The following TRIM33 variants were observed in gnomAD, a reference collection of about 807,000 sequenced individuals.
TRIM33 encodes the protein E3 ubiquitin-protein ligase TRIM33.
In TRIM33, 20 loss-of-function variants were observed where a neutral mutation model predicts 125.4. That is an observed-to-expected ratio of 0.16 (90% confidence interval 0.11 to 0.23). TRIM33 has a LOEUF of 0.23. Among genes scored for constraint, TRIM33 ranks in the 10% least tolerant of loss-of-function variants. The probability of loss-of-function intolerance (pLI) is 1.00; values close to 1 mark genes in which losing one functional copy is unlikely to be tolerated. For missense variants in TRIM33, 920 were observed against 1,411.4 expected, an observed-to-expected ratio of 0.65 and a Z score of 5.58; for synonymous variants, 564 against 513.9, an observed-to-expected ratio of 1.10 and a Z score of -1.32.
chr1:114,431,119 T>C (rs1299020666), intron 5 of TRIM33, among the ~76,000 whole-genome samples: 7 of 152,254 alleles, frequency 4.6e-5, no homozygotes, highest in Admixed American at 4.6e-4. Flanking sequence ...TAATATTTAG[T>C]AATTTTAAAT....
chr1:114,498,064 T>C (rs1570672932), intron 1 of TRIM33, among the ~76,000 whole-genome samples: 2 of 145,808 alleles, frequency 1.4e-5, no homozygotes, highest in African/African-American at 2.6e-5. Flanking sequence ...AGAGCGGAGG[T>C]TGCAATGAGC....
Position 114,425,527 on chromosome 1 carries a change from T to C in TRIM33, c.1617A>G (p.Pro539=). 6.2e-7 allele frequency: 1 copy of C among 1,614,168 alleles called. No individual in the cohort carries two copies. The highest frequency in any genetic ancestry group is 8.5e-7 in the Non-Finnish European group (1 of 1,180,024). ...TTGTTGTAGTTGGTACAGGTGCTGG[T>C]GGTTGCTGCATCCTCATCTGTTGCA... The part of the protein sequence containing the change: ...QQLQQMRMQQ[P]PAPVPTTTTT... Residue 539 remains proline, a synonymous_variant, in exon 9 of 20, where the codon CCA becomes CCG. Transcript: ENST00000358465.
chr1:114,425,731 ATTT>A lies in TRIM33; in HGVS notation c.1421-11_1421-9del. 6.4e-7 allele frequency: 1 copy of A among 1,574,082 alleles called. No homozygotes were observed. The highest frequency in any genetic ancestry group is 1.9e-5 in the Admixed American group (1 of 53,398). ...TCTCTATTACTAGATTACCTGAAAAATTTAAAAAATGAGAATTTGCATATAATC... is the reference window on the plus strand; with the variant it reads ...TCTCTATTACTAGATTACCTGAAAAAAAAAAATGAGAATTTGCATATAATC... On this transcript the variant is annotated splice_polypyrimidine_tract_variant and intron_variant, in intron 8 of 19. Coordinates refer to ENST00000358465, the MANE Select transcript of TRIM33 (RefSeq NM_015906.4).
chr1:114,473,182 G>A (rs1252823326), intron 1 of TRIM33, among the ~76,000 whole-genome samples: 1 of 151,420 alleles, frequency 6.6e-6, no homozygotes, highest in Non-Finnish European at 1.5e-5. Context: ...GTGTGAACTC[G>A]GGAGGCGGAG....
chr1:114,406,969 G>T lies in TRIM33; in HGVS notation c.2390C>A (p.Thr797Lys). ...SFSGGVKQEK[T>K]EDGRRSACML... The stretch of plus-strand genomic sequence containing the variant: ...GCAAGCACTCCTCCTGCCATCCTCT[G>T]TTTTTTCTTGTTTTACACCTCCTGA... The change falls in exon 14 of 20, where the codon ACA becomes AAA. Residue 797 changes from threonine to lysine, a missense_variant. Physicochemically the swap from Thr to Lys is moderately conservative, Grantham distance 78. Coordinates refer to ENST00000358465, the MANE Select transcript of TRIM33 (RefSeq NM_015906.4). 1 of 1,613,844 alleles carries T rather than the reference G, an allele frequency of 6.2e-7. No homozygotes were observed. The highest frequency in any genetic ancestry group is 8.5e-7 in the Non-Finnish European group (1 of 1,179,836).
rs1278683276 is a variant in TRIM33, at chr1:114,397,457, T to A, written c.*191A>T. ...ACTTGCAAACAGACTTCTCTCCCCC[T>A]TTCTTGACAAGAATGTGTTTCTGTC... is the stretch of plus-strand genomic sequence containing the variant. On this transcript the variant is annotated 3_prime_UTR_variant, in exon 20 of 20. Transcript: ENST00000358465. 12 of 555,602 alleles carry A rather than the reference T, an allele frequency of 2.2e-5. No individual in the cohort carries two copies. Among genetic ancestry groups the A allele is most frequent in the Non-Finnish European group, 3.5e-5 (11 of 316,634 alleles). The allele number at this position is 555,602 out of a possible 1,614,324, so 34.4% of individuals were successfully genotyped here. A position where few individuals can be genotyped will look rare whatever the true frequency, so the allele number is the denominator to read the frequency against.
intron 1 of TRIM33, among the ~76,000 whole-genome samples, chr1:114,475,487 C>T (rs566604515): frequency 9.8e-5 from 15 of 152,286 alleles, no homozygotes; most frequent in Admixed American, 2.0e-4. Context: ...CGAGACCATC[C>T]TGGCAAACAC....
At chr1:114,506,511 G>C (rs1653014816) in intron 1 of TRIM33, among the ~76,000 whole-genome samples, 1 of 151,608 alleles carries the variant, frequency 6.6e-6, no homozygotes, top group African/African-American at 2.4e-5. Flanking sequence ...AGTTTGTTCA[G>C]ATGCATCAAT....
At chr1:114,417,560 C>A (rs996762972) in intron 11 of TRIM33, among the ~76,000 whole-genome samples, 3 of 152,192 alleles carry the variant, frequency 2.0e-5, no homozygotes, top group African/African-American at 7.2e-5. Flanking sequence ...TACAATCCCA[C>A]ACTGCCTCCC....
intron 1 of TRIM33, among the ~76,000 whole-genome samples, chr1:114,504,861 C>T (rs916150914): frequency 2.6e-5 from 4 of 152,154 alleles, no homozygotes; most frequent in African/African-American, 9.7e-5. Flanking sequence ...GCATGCTGTA[C>T]ATATCAGTAG....
chr1:114,417,937 T>C (rs1462492075), intron 11 of TRIM33, among the ~76,000 whole-genome samples: 1 of 152,206 alleles, frequency 6.6e-6, no homozygotes, highest in Admixed American at 6.5e-5. Flanking sequence ...ATTACAGGCG[T>C]GAGCCACTGC....
At position 114,503,271 on chromosome 1, in the gene TRIM33, A is replaced by T. The variant is rs1420998722; in HGVS notation, c.526+7280T>A. Among the ~76,000 whole-genome samples, 3 of 152,222 alleles carry T rather than the reference A, an allele frequency of 2.0e-5. No individual in the cohort carries two copies. In the East Asian group the frequency reaches 5.8e-4, roughly 29 times the overall value. On this transcript the variant is annotated intron_variant, in intron 1 of 19. Transcript: ENST00000358465. The stretch of plus-strand genomic sequence containing the variant: ...TGAGGTGGGCAGATCAACTGAGGTC[A>T]GGAGTTCAAGACCAGCCTGGCCAAC...
chr1:114,501,690 A>C (rs568923284), intron 1 of TRIM33, among the ~76,000 whole-genome samples: 1 of 152,330 alleles, frequency 6.6e-6, no homozygotes, highest in Non-Finnish European at 1.5e-5. Context: ...TCTTCAACCT[A>C]CATCATCAAC....
intron 1 of TRIM33, among the ~76,000 whole-genome samples, chr1:114,472,575 TA>T (rs1650714043): frequency 6.6e-6 from 1 of 151,670 alleles, no homozygotes; most frequent in East Asian, 1.9e-4. Context: ...TCTACAAAAA[TA>T]AAAATTAGCC....
At chr1:114,429,588 T>C (rs1164780311) in intron 6 of TRIM33, among the ~76,000 whole-genome samples, 3 of 151,880 alleles carry the variant, frequency 2.0e-5, no homozygotes, top group Non-Finnish European at 2.9e-5. Context: ...TATGTAATTA[T>C]TCACCTAATA....
chr1:114,478,552 G>A (rs1292857965), intron 1 of TRIM33, among the ~76,000 whole-genome samples: 1 of 151,772 alleles, frequency 6.6e-6, no homozygotes, highest in Non-Finnish European at 1.5e-5. Flanking sequence ...AAAAACTAAA[G>A]GCCAAGTGAG....
intron 4 of TRIM33, among the ~76,000 whole-genome samples, chr1:114,436,598 G>A (rs1438647843): frequency 2.0e-5 from 3 of 151,866 alleles, no homozygotes; most frequent in African/African-American, 4.8e-5. Flanking sequence ...CCGAGTAGCT[G>A]GGACTACAGA....
chr1:114,494,560 A>G (rs1245509202), intron 1 of TRIM33, among the ~76,000 whole-genome samples: 1 of 152,170 alleles, frequency 6.6e-6, no homozygotes, highest in Non-Finnish European at 1.5e-5. Context: ...TACCTGACAA[A>G]AGAGTCATGA....
intron 1 of TRIM33, among the ~76,000 whole-genome samples, chr1:114,498,108 C>CA: frequency 8.7e-6 from 1 of 115,534 alleles, no homozygotes; most frequent in East Asian, 2.4e-4. Flanking sequence ...GCCTGGGCGA[C>CA]AGACTGAGAC....
Sources: allele counts gnomAD v4.1 joint callset (sites outside exome capture counted in the v4.1 genomes callset), GRCh38; gene constraint gnomAD v4.1.1; transcripts MANE v1.5; gene names NCBI Gene and HGNC (gene_info 2026-07-23, HGNC 2026-07-21).